The following TASP1 variants were observed in gnomAD, a reference collection of about 807,000 sequenced individuals.
The protein encoded by TASP1 is threonine aspartase 1.
In TASP1, 16 loss-of-function variants were observed where a neutral mutation model predicts 56.6. That is an observed-to-expected ratio of 0.28 (90% CI 0.19 to 0.43). TASP1 has a LOEUF of 0.43. Ranked by LOEUF, TASP1 falls within the 20% of genes least tolerant of loss-of-function variation. The pLI, the probability that TASP1 is intolerant of heterozygous loss-of-function variation, is 1.00. For synonymous variants in TASP1, 179 were observed against 184.2 expected, an observed-to-expected ratio of 0.97 and a Z score of 0.23; for missense variants, 393 against 511.6, an observed-to-expected ratio of 0.77 and a Z score of 2.24.
the TASP1 span, among the ~76,000 whole-genome samples, chr20:13,327,421 C>T: frequency 6.6e-6 from 1 of 152,068 alleles, no homozygotes; most frequent in Non-Finnish European, 1.5e-5. Context: ...CATTAAACTA[C>T]CATCGACATT....
intron 13 of TASP1, 135 bp from the exon 14 acceptor site, chr20:13,390,587 T>C (rs1393931547): frequency 3.0e-6 from 2 of 663,568 alleles, no homozygotes; most frequent in Non-Finnish European, 2.6e-6. Context: ...ATCCACAGAC[T>C]GTACCACTGG....
intron 11 of TASP1, among the ~76,000 whole-genome samples, chr20:13,460,834 C>G (rs1309143716): frequency 1.3e-5 from 2 of 152,130 alleles, no homozygotes; most frequent in African/African-American, 4.8e-5. Flanking sequence ...CTGAATTAGC[C>G]TAATAGCCTC....
intron 7 of TASP1, 82 bp from the exon 8 acceptor site, chr20:13,559,196 CT>C: frequency 1.2e-6 from 1 of 842,732 alleles, no homozygotes; most frequent in Non-Finnish European, 1.7e-6. Flanking sequence ...TCTGAAGAGC[CT>C]TCCCAGAAGA....
the TASP1 span, among the ~76,000 whole-genome samples, chr20:13,301,778 G>T: frequency 6.6e-6 from 1 of 152,078 alleles, no homozygotes; most frequent in Non-Finnish European, 1.5e-5. Context: ...AGGTATTCAA[G>T]CAGAGGCTGG....
At chr20:13,427,102 G>A (rs1409197505) in intron 12 of TASP1, among the ~76,000 whole-genome samples, 1 of 152,168 alleles carries the variant, frequency 6.6e-6, no homozygotes, top group Non-Finnish European at 1.5e-5. Flanking sequence ...GCCATGTAAT[G>A]GAAATAAGTG....
chr20:13,486,942 T>A (rs1324768428), intron 10 of TASP1, among the ~76,000 whole-genome samples: 1 of 152,192 alleles, frequency 6.6e-6, no homozygotes, highest in Non-Finnish European at 1.5e-5. Context: ...TGATGTCTGC[T>A]TTCATCACTT....
chr20:13,560,251 TAA>T (rs1568582777), intron 7 of TASP1, among the ~76,000 whole-genome samples: 1 of 152,162 alleles, frequency 6.6e-6, no homozygotes, highest in Non-Finnish European at 1.5e-5. Context: ...AGAATATTCC[TAA>T]AAACATTGGG....
chr20:13,220,168 G>A, the TASP1 span, among the ~76,000 whole-genome samples: 1 of 152,148 alleles, frequency 6.6e-6, no homozygotes, highest in Non-Finnish European at 1.5e-5. Context: ...AGGAAGGGAG[G>A]GAACGGGTAG....
intron 11 of TASP1, among the ~76,000 whole-genome samples, chr20:13,472,953 A>C (rs894796063): frequency 2.0e-5 from 3 of 152,138 alleles, no homozygotes; most frequent in African/African-American, 7.2e-5. Flanking sequence ...TAGAACTAGA[A>C]AGACCATTTG....
At chr20:13,426,675 A>T (rs111730789) in intron 12 of TASP1, among the ~76,000 whole-genome samples, 12 of 152,308 alleles carry the variant, frequency 7.9e-5, no homozygotes, top group African/African-American at 2.9e-4. Context: ...ATCTCAGAGC[A>T]CTACTTCATC....
the TASP1 span, among the ~76,000 whole-genome samples, chr20:13,379,005 T>A: frequency 3.9e-5 from 6 of 152,198 alleles, no homozygotes; most frequent in African/African-American, 1.4e-4. Flanking sequence ...TACAGCACAC[T>A]GATAGGTCTT....
At chr20:13,220,941 T>C in the TASP1 span, among the ~76,000 whole-genome samples, 1 of 151,364 alleles carries the variant, frequency 6.6e-6, no homozygotes. Context: ...CCCGCGCCCG[T>C]CACAGCGACC....
In TASP1 at chr20:13,499,426, G is replaced by A. The variant is rs570123229; in HGVS notation, c.875-16089C>T. ...ATACCCATGTAACAAACCTGCACACGTACCCCCTGAATCTAAAATAAAAGC... is the reference window on the plus strand; with the variant it reads ...ATACCCATGTAACAAACCTGCACACATACCCCCTGAATCTAAAATAAAAGC... On this transcript the variant is annotated intron_variant, in intron 10 of 13. Coordinates refer to ENST00000337743, the MANE Select transcript of TASP1 (RefSeq NM_017714.3). Among the ~76,000 whole-genome samples the A allele has an allele frequency of 5.4e-5, 8 of 148,522 alleles. No homozygotes were observed. In the South Asian group the frequency reaches 1.1e-3, roughly 20 times the overall value.
At chr20:13,193,290 C>T in the TASP1 span, among the ~76,000 whole-genome samples, 268 of 152,036 alleles carry the variant, frequency 1.8e-3, 1 homozygote, top group African/African-American at 6.2e-3. Context: ...AGTCTAAATA[C>T]ACCAATTAAA....
At chr20:13,550,080 A>G (rs778109056) in intron 8 of TASP1, among the ~76,000 whole-genome samples, 24 of 151,178 alleles carry the variant, frequency 1.6e-4, no homozygotes, top group Non-Finnish European at 1.0e-4. Context: ...AAGAAACTCA[A>G]TCTCCTAGGT....
intron 11 of TASP1, among the ~76,000 whole-genome samples, chr20:13,445,781 G>C (rs1019948794): frequency 6.6e-6 from 1 of 152,170 alleles, no homozygotes; most frequent in South Asian, 2.1e-4. Flanking sequence ...TCACAAAGTA[G>C]AAGAGGGCAA....
intron 11 of TASP1, among the ~76,000 whole-genome samples, chr20:13,471,416 A>G (rs74913533): frequency 0.088 from 13,445 of 152,228 alleles, 811 homozygotes; most frequent in Admixed American, 0.18. Context: ...CCAATGTTTC[A>G]AATATGACAT....
chr20:13,495,918 G>C (rs1018578235), intron 10 of TASP1, among the ~76,000 whole-genome samples: 5 of 152,086 alleles, frequency 3.3e-5, no homozygotes, highest in African/African-American at 1.2e-4. Flanking sequence ...TTCACAGAAT[G>C]CCCCATAAAA....
At chr20:13,560,624 A>G (rs2046314173) in intron 7 of TASP1, among the ~76,000 whole-genome samples, 1 of 152,198 alleles carries the variant, frequency 6.6e-6, no homozygotes, top group Admixed American at 6.6e-5. Flanking sequence ...GGTGGGGGGA[A>G]AAAACAGGGA....
Sources: gnomAD v4.1 joint callset for allele counts (sites outside exome capture counted in the v4.1 genomes callset) on GRCh38, gnomAD v4.1.1 for gene constraint, MANE v1.5 for transcripts, NCBI Gene and HGNC (gene_info 2026-07-23, HGNC 2026-07-21) for gene names.